Variants in FLVCR2 observed in about 807,000 individuals in gnomAD.
FLVCR2 encodes FLVCR choline and putative heme transporter 2.
A neutral mutation model predicts 48.9 loss-of-function variants in FLVCR2; 38 were observed. That is an observed-to-expected ratio of 0.78 (90% confidence interval 0.60 to 1.02). The LOEUF (loss-of-function observed/expected upper bound fraction) is 1.02. Ranked by LOEUF, FLVCR2 falls within the 50% of genes least tolerant of loss-of-function variation. The pLI is 0.00. For missense variants in FLVCR2, 664 were observed against 663.3 expected (o/e 1.00, Z -0.01); for synonymous variants, 255 against 257.0 (o/e 0.99, Z 0.07).
In FLVCR2 at chr14:75,642,037, A is replaced by G. The variant is rs960076037; in HGVS notation, c.1509+139A>G. 19 of 766,552 alleles carry G rather than the reference A, an allele frequency of 2.5e-5. No homozygotes were observed. The South Asian group carries it at 2.6e-4, about 10-fold the overall frequency. The allele number at this position is 766,552 out of a possible 1,614,324, so 47.5% of individuals were successfully genotyped here. On this transcript the variant is annotated intron_variant, in intron 9 of 9. Transcript: ENST00000238667. ...TGGGAGACCAGTTCATCCCTTACAC[A>G]TGGCATCCTAAGACTTTCCTCAGTG...
In FLVCR2 at chr14:75,578,730, G is replaced by A; in HGVS notation, c.-243G>A. ...CGGTCCGGAGCCGGCTGCGGCGTGT[G>A]CGGCCGGCCTTGGGACAGCGATCGC... is the stretch of plus-strand genomic sequence containing the variant. On this transcript the variant is annotated 5_prime_UTR_variant, in exon 1 of 10. Coordinates refer to ENST00000238667, the MANE Select transcript of FLVCR2 (RefSeq NM_017791.3). 3.4e-6 allele frequency: 2 copies of A among 586,298 alleles called. No individual in the cohort carries two copies. Among genetic ancestry groups the A allele is most frequent in the Non-Finnish European group, 6.1e-6 (2 of 330,090 alleles). 36.3% of individuals were successfully genotyped at this position (586,298 alleles called of 1,614,324 possible).
At chr14:75,622,916 A>AT (rs1207842579) in intron 2 of FLVCR2, among the ~76,000 whole-genome samples, 2 of 152,336 alleles carry the variant, frequency 1.3e-5, no homozygotes, top group African/African-American at 4.8e-5. Context: ...TTAACTTGTC[A>AT]TTGTACAAGT....
intron 1 of FLVCR2, among the ~76,000 whole-genome samples, chr14:75,618,838 C>T (rs577103094): frequency 6.6e-6 from 1 of 151,938 alleles, no homozygotes; most frequent in East Asian, 1.9e-4. Flanking sequence ...AGCCCAGCTC[C>T]TCTGCTAGCT....
At chr14:75,584,777 T>C (rs907180838) in intron 1 of FLVCR2, among the ~76,000 whole-genome samples, 1 of 152,206 alleles carries the variant, frequency 6.6e-6, no homozygotes, top group Non-Finnish European at 1.5e-5. Flanking sequence ...CAGGATGACA[T>C]TTAAGTCACT....
At chr14:75,622,561 G>A (rs1049305314) in intron 2 of FLVCR2, among the ~76,000 whole-genome samples, 2 of 152,112 alleles carry the variant, frequency 1.3e-5, no homozygotes, top group African/African-American at 4.8e-5. Flanking sequence ...GAGCATGCCT[G>A]ATTTCATTTA....
intron 2 of FLVCR2, among the ~76,000 whole-genome samples, chr14:75,623,337 T>G (rs528185448): frequency 2.3e-4 from 35 of 152,184 alleles, no homozygotes; most frequent in South Asian, 6.2e-4. Context: ...AGGTATTTGG[T>G]AAGATAATTT....
chr14:75,620,527 C>T (rs1459994180), intron 1 of FLVCR2, among the ~76,000 whole-genome samples: 3 of 152,224 alleles, frequency 2.0e-5, no homozygotes, highest in Admixed American at 1.3e-4. Context: ...AATATTCTAT[C>T]ATTTTAACCC....
chr14:75,632,382 A>G (rs1341899078), intron 3 of FLVCR2, among the ~76,000 whole-genome samples: 1 of 152,186 alleles, frequency 6.6e-6, no homozygotes, highest in Non-Finnish European at 1.5e-5. Context: ...AGAGAGACCT[A>G]TTCATTCTTG....
intron 1 of FLVCR2, among the ~76,000 whole-genome samples, chr14:75,618,091 A>C (rs1012716637): frequency 3.3e-5 from 5 of 152,218 alleles, no homozygotes; most frequent in Non-Finnish European, 5.9e-5. Flanking sequence ...GGCTGTGCTT[A>C]GGATTTTTAC....
At chr14:75,619,607 A>G (rs1001774589) in intron 1 of FLVCR2, among the ~76,000 whole-genome samples, 2 of 152,244 alleles carry the variant, frequency 1.3e-5, no homozygotes, top group Non-Finnish European at 2.9e-5. Context: ...AAAAATATGT[A>G]TTGAAAAAAC....
At chr14:75,610,764 C>T (rs1022897631) in intron 1 of FLVCR2, among the ~76,000 whole-genome samples, 4 of 152,312 alleles carry the variant, frequency 2.6e-5, no homozygotes, top group African/African-American at 9.6e-5. Context: ...GGTCTGCATT[C>T]GAATCCCCTC....
chr14:75,582,528 C>T (rs893704136), intron 1 of FLVCR2, among the ~76,000 whole-genome samples: 7 of 151,960 alleles, frequency 4.6e-5, no homozygotes, highest in African/African-American at 7.2e-5. Context: ...AGTATTAGGG[C>T]AGTGGCGGCT....
chr14:75,623,369 G>T (rs1889811660), intron 2 of FLVCR2, among the ~76,000 whole-genome samples: 1 of 151,946 alleles, frequency 6.6e-6, no homozygotes, highest in Non-Finnish European at 1.5e-5. Context: ...TTTTCAGCTG[G>T]GTGATATTAT....
intron 1 of FLVCR2, among the ~76,000 whole-genome samples, chr14:75,620,033 C>T (rs946515507): frequency 1.3e-5 from 2 of 152,202 alleles, no homozygotes; most frequent in African/African-American, 4.8e-5. Context: ...ATGTCTGTAT[C>T]TTTCCTCACT....
At chr14:75,598,793 C>T (rs1889088863) in intron 1 of FLVCR2, among the ~76,000 whole-genome samples, 1 of 152,260 alleles carries the variant, frequency 6.6e-6, no homozygotes, top group Admixed American at 6.5e-5. Context: ...GCTTTGTTGC[C>T]TTGCCAGGCA....
intron 1 of FLVCR2, among the ~76,000 whole-genome samples, chr14:75,616,026 CAAA>C (rs10629813): frequency 1.6e-4 from 4 of 25,632 alleles, no homozygotes; most frequent in South Asian, 2.6e-3. Flanking sequence ...GACTCCATCT[CAAA>C]AAAAAAAAAA....
rs563678287 is a variant in FLVCR2, at chr14:75,606,968, T to C, written c.670-15111T>C. On this transcript the variant is annotated intron_variant, in intron 1 of 9. Transcript: ENST00000238667. ...TAAGAAAAAAAAAAAAGCAAATTCC[T>C]GGGCACCAGAGCAGACCCAAGGAAT... Among the ~76,000 whole-genome samples the C allele has an allele frequency of 2.0e-5, 3 of 151,734 alleles. No homozygotes were observed. The East Asian group carries it at 5.8e-4, about 29-fold the overall frequency.
At chr14:75,593,535 C>T (rs761187266) in intron 1 of FLVCR2, among the ~76,000 whole-genome samples, 1 of 152,212 alleles carries the variant, frequency 6.6e-6, no homozygotes, top group Admixed American at 6.5e-5. Flanking sequence ...AGGAACTAAT[C>T]TAGTCTTGCG....
At chr14:75,622,357 G>C in intron 2 of FLVCR2, 137 bp downstream of exon 2, 2 of 918,248 alleles carry the variant, frequency 2.2e-6, no homozygotes, top group Non-Finnish European at 1.8e-6. Flanking sequence ...GCTTCTTATG[G>C]TCTTCAAATG....
Sources: allele counts gnomAD v4.1 joint callset (sites outside exome capture counted in the v4.1 genomes callset), GRCh38; gene constraint gnomAD v4.1.1; transcripts MANE v1.5; gene names NCBI Gene and HGNC (gene_info 2026-07-23, HGNC 2026-07-21).